The following KCNK12 variants were observed in gnomAD, a reference collection of about 807,000 sequenced individuals.
KCNK12 encodes potassium channel subfamily K member 12.
KCNK12 carries 6 observed loss-of-function variants against 25.3 expected under a neutral mutation model. The observed-to-expected ratio is 0.24, with a 90% CI of 0.13 to 0.47. The LOEUF is 0.47. Among genes scored for constraint, KCNK12 ranks in the 20% least tolerant of loss-of-function variants. The pLI, the probability that KCNK12 is intolerant of heterozygous loss-of-function variation, is 0.99. For missense variants in KCNK12, 444 were observed against 661.7 expected (o/e 0.67, Z 3.61); for synonymous variants, 331 against 311.1 (o/e 1.06, Z -0.67).
Position 47,542,292 on chromosome 2 carries a change from C to T in KCNK12, c.392-20484G>A, listed in dbSNP as rs140339105. On this transcript the variant is annotated intron_variant, in intron 1 of 1. Coordinates refer to ENST00000327876, the MANE Select transcript of KCNK12 (RefSeq NM_022055.2). ...CCTGAGGATGCTCAGACGCAGGGAC[C>T]GACTGCTCCTCACAAGCACCCTGGC... Among the ~76,000 whole-genome samples the T allele has an allele frequency of 2.0e-5, 3 of 152,274 alleles. No homozygotes were observed. In the East Asian group the frequency reaches 5.8e-4, roughly 30 times the overall value.
rs1187823809 is a variant in KCNK12 at position 47,520,220 on chromosome 2, G to A, written c.*687C>T. On this transcript the variant is annotated 3_prime_UTR_variant, in exon 2 of 2. Transcript: ENST00000327876. The surrounding 1 kb of genome is among the most constrained non-coding windows in gnomAD (Gnocchi z 5.0). ...CCTGGACCGCCCACCATTAGAAGTA[G>A]CTGCCCTGTGCTCTGTGCTAAATGG... The A allele has an allele frequency of 6.6e-6, 1 of 152,256 alleles. No individual in the cohort carries two copies. Among genetic ancestry groups the A allele is most frequent in the Non-Finnish European group, 1.5e-5 (1 of 68,102 alleles). The allele number at this position is 152,256 out of a possible 1,614,324, so 9.4% of individuals were successfully genotyped here. A position where few individuals can be genotyped will look rare whatever the true frequency, so the allele number is the denominator to read the frequency against.
In KCNK12 at chr2:47,512,696, C is replaced by T; in HGVS notation, c.*8211G>A. ...CTGAACTCTGCTCTGCATTGCTGAG[C>T]AAACTACATTTCCCAGAACTCCTTG... On this transcript the variant is annotated 3_prime_UTR_variant, in exon 2 of 2. Transcript: ENST00000327876. The T allele has an allele frequency of 2.7e-6, 1 of 373,264 alleles. No homozygotes were observed. Among genetic ancestry groups the T allele is most frequent in the South Asian group, 4.9e-5 (1 of 20,402 alleles). 23.1% of individuals were successfully genotyped at this position (373,264 alleles called of 1,614,324 possible).
rs1033834083 is a variant in KCNK12, at chr2:47,517,934, A to T, written c.*2973T>A. ...GGTAAGTCCAGGCCTAAGGTTAGGA[A>T]GCAAATCCTGGAGCATGAGGAAATT... On this transcript the variant is annotated 3_prime_UTR_variant, in exon 2 of 2. Transcript: ENST00000327876. The surrounding 1 kb of genome is among the most constrained non-coding windows in gnomAD (Gnocchi z 4.1). 2 of 152,218 alleles carry T rather than the reference A, an allele frequency of 1.3e-5. No individual in the cohort carries two copies. Among genetic ancestry groups the T allele is most frequent in the African/African-American group, 4.8e-5 (2 of 41,436 alleles). The allele number at this position is 152,218 out of a possible 1,614,324, so 9.4% of individuals were successfully genotyped here.
Position 47,520,858 on chromosome 2 carries a change from G to C in KCNK12, c.*49C>G. On this transcript the variant is annotated 3_prime_UTR_variant, in exon 2 of 2. Coordinates refer to ENST00000327876, the MANE Select transcript of KCNK12 (RefSeq NM_022055.2). The surrounding 1 kb of genome is among the most constrained non-coding windows in gnomAD (Gnocchi z 5.0). ...TGACTGAGAGAAGCAAACCACGCCC[G>C]GCGGCCCCGCGGCCTGGAGAGGGTC... The C allele has an allele frequency of 8.4e-7, 1 of 1,190,260 alleles. No individual in the cohort carries two copies. The highest frequency in any genetic ancestry group is 1.1e-6 in the Non-Finnish European group (1 of 948,222). 73.7% of individuals were successfully genotyped at this position (1,190,260 alleles called of 1,614,324 possible).
At chr2:47,532,678 G>A (rs1668960357) in intron 1 of KCNK12, among the ~76,000 whole-genome samples, 1 of 152,232 alleles carries the variant, frequency 6.6e-6, no homozygotes, top group Non-Finnish European at 1.5e-5. Context: ...TAGCCACCTG[G>A]GACTCAGGTT....
chr2:47,537,276 G>A (rs1452173465), intron 1 of KCNK12, among the ~76,000 whole-genome samples: 2 of 151,902 alleles, frequency 1.3e-5, no homozygotes, highest in African/African-American at 4.8e-5. Context: ...GTGCACACAC[G>A]CGTACTTAAT....
rs1669634508 is a variant in KCNK12, at chr2:47,560,186, T to A, written c.391+9755A>T. Among the ~76,000 whole-genome samples the A allele has an allele frequency of 6.6e-6, 1 of 152,220 alleles. No homozygotes were observed. Among genetic ancestry groups the A allele is most frequent in the South Asian group, 2.1e-4 (1 of 4,832 alleles). On this transcript the variant is annotated intron_variant, in intron 1 of 1. Coordinates refer to ENST00000327876, the MANE Select transcript of KCNK12 (RefSeq NM_022055.2). This position sits in a 1 kb window ranked among gnomAD's most constrained non-coding sequence, Gnocchi z 4.7. ...CCCGCCTGTCCATGCCCACTGCAGCTGTTTCCAGTGCAAGGCTGAGGGTTC... is the reference window on the plus strand; with the variant it reads ...CCCGCCTGTCCATGCCCACTGCAGCAGTTTCCAGTGCAAGGCTGAGGGTTC...
chr2:47,531,840 T>C (rs2104772779), intron 1 of KCNK12, among the ~76,000 whole-genome samples: 1 of 152,292 alleles, frequency 6.6e-6, no homozygotes, highest in Middle Eastern at 3.4e-3. Flanking sequence ...CTCTGATTGA[T>C]TGTGGGCCAA....
rs1882449 is a variant in KCNK12, at chr2:47,557,853, C to T, written c.391+12088G>A. 0.14 allele frequency among the ~76,000 whole-genome samples: 21,839 copies of T among 152,074 alleles called. 2,095 individuals are homozygous for T. The highest frequency in any genetic ancestry group is 0.27 in the African/African-American group (11,150 of 41,460). On this transcript the variant is annotated intron_variant, in intron 1 of 1. Transcript: ENST00000327876. The surrounding 1 kb of genome is among the most constrained non-coding windows in gnomAD (Gnocchi z 4.9). ...TAGGAACTGAGATGCCTTAGGGATT[C>T]GGGGACTGTGAAGGTAGAAACGGCA...
chr2:47,522,215 CTTTAT>C (rs1668674785), intron 1 of KCNK12, among the ~76,000 whole-genome samples: 1 of 152,164 alleles, frequency 6.6e-6, no homozygotes, highest in Non-Finnish European at 1.5e-5. Context: ...AAACTGTCAT[CTTTAT>C]TTTAGTTCAT....
chr2:47,545,572 G>A (rs1669295578), intron 1 of KCNK12, among the ~76,000 whole-genome samples: 1 of 152,320 alleles, frequency 6.6e-6, no homozygotes, highest in South Asian at 2.1e-4. Context: ...GGAGTAGGGG[G>A]ACTAGCTGTG....
In KCNK12 at chr2:47,521,278, A is replaced by G. The variant is rs766783161; in HGVS notation, c.922T>C (p.Trp308Arg). The change falls in exon 2 of 2, where the codon TGG becomes CGG. Residue 308 changes from tryptophan (W) to arginine (R), a missense_variant. By Grantham distance (101) the Trp-to-Arg change is moderately radical. Transcript: ENST00000327876. ...ISILIKQVLN[W>R]MLRKLSCRCC... ...CGGCAGCTCAGCTTGCGCAGCATCC[A>G]GTTGAGCACCTGCTTGATGAGGATG... 1 of 1,611,676 alleles carries G rather than the reference A, an allele frequency of 6.2e-7. No individual in the cohort carries two copies. The highest frequency in any genetic ancestry group is 1.1e-5 in the South Asian group (1 of 90,694).
chr2:47,568,990 G>C (rs900882189), intron 1 of KCNK12, among the ~76,000 whole-genome samples: 19 of 152,042 alleles, frequency 1.2e-4, no homozygotes, highest in African/African-American at 4.4e-4. Flanking sequence ...AAGTGAGTGA[G>C]AGGAGAGGAA....
Position 47,562,325 on chromosome 2 carries a change from T to C in KCNK12, c.391+7616A>G, listed in dbSNP as rs1669689538. On this transcript the variant is annotated intron_variant, in intron 1 of 1. Transcript: ENST00000327876. This position sits in a 1 kb window ranked among gnomAD's most constrained non-coding sequence, Gnocchi z 4.8. Reference sequence around the variant, plus strand: ...CATTGTAAAATCTGCAATTACAAGATTCTGGATGCTTCATCCTGAGGTCAC... The same window carrying C: ...CATTGTAAAATCTGCAATTACAAGACTCTGGATGCTTCATCCTGAGGTCAC... 1 of 385,180 alleles carries C rather than the reference T, an allele frequency of 2.6e-6. No individual in the cohort carries two copies. Among genetic ancestry groups the C allele is most frequent in the Non-Finnish European group, 4.6e-6 (1 of 218,072 alleles). The allele number at this position is 385,180 out of a possible 1,614,324, so 23.9% of individuals were successfully genotyped here.
Position 47,514,666 on chromosome 2 carries a change from A to T in KCNK12, c.*6241T>A, listed in dbSNP as rs1668481472. Among the ~76,000 whole-genome samples the T allele has an allele frequency of 6.7e-6, 1 of 148,566 alleles. No homozygotes were observed. Reference sequence around the variant, plus strand: ...TACTCTGTCACCAAGGCTGGAGTGCAGTGGCATGATCATGGCTCAATGAAA... The same window carrying T: ...TACTCTGTCACCAAGGCTGGAGTGCTGTGGCATGATCATGGCTCAATGAAA... On this transcript the variant is annotated 3_prime_UTR_variant, in exon 2 of 2. Coordinates refer to ENST00000327876, the MANE Select transcript of KCNK12 (RefSeq NM_022055.2). The surrounding 1 kb of genome is among the most constrained non-coding windows in gnomAD (Gnocchi z 5.0).
chr2:47,509,721 C>G lies in KCNK12; in HGVS notation c.*11186G>C, dbSNP rs533458491. Among the ~76,000 whole-genome samples, 3 of 152,314 alleles carry G rather than the reference C, an allele frequency of 2.0e-5. No individual in the cohort carries two copies. Among genetic ancestry groups the G allele is most frequent in the Admixed American group, 2.0e-4 (3 of 15,310 alleles). ...CTGCTTAAATCAGCTGGACTGGATT[C>G]TATTGCATTAACTTGACCCTGACTC... On this transcript the variant is annotated 3_prime_UTR_variant, in exon 2 of 2. Coordinates refer to ENST00000327876, the MANE Select transcript of KCNK12 (RefSeq NM_022055.2).
chr2:47,556,437 C>G lies in KCNK12; in HGVS notation c.391+13504G>C, dbSNP rs1669552295. On this transcript the variant is annotated intron_variant, in intron 1 of 1. Coordinates refer to ENST00000327876, the MANE Select transcript of KCNK12 (RefSeq NM_022055.2). This position sits in a 1 kb window ranked among gnomAD's most constrained non-coding sequence, Gnocchi z 4.8. ...AGCAGAGAGTGAGGGGAATGGGAGG[C>G]TAAAGATGGAAGAGGGAGGATAAGT... 1.3e-5 allele frequency among the ~76,000 whole-genome samples: 2 copies of G among 151,936 alleles called. No homozygotes were observed. Among genetic ancestry groups the G allele is most frequent in the African/African-American group, 4.8e-5 (2 of 41,338 alleles).
At position 47,540,772 on chromosome 2, in the gene KCNK12, AAAACAAAC is replaced by A. The variant is rs59132408; in HGVS notation, c.392-18972_392-18965del. ...GAGACTCCATCCCTAGAAACAATTA[AAAACAAAC>A]AAACAAACAAACAAACAAAAGCAAG... On this transcript the variant is annotated intron_variant, in intron 1 of 1. Transcript: ENST00000327876. This position sits in a 1 kb window ranked among gnomAD's most constrained non-coding sequence, Gnocchi z 5.4. Among the ~76,000 whole-genome samples the A allele has an allele frequency of 1.5e-4, 22 of 150,056 alleles. No homozygotes were observed. The highest frequency in any genetic ancestry group is 6.0e-4 in the East Asian group (3 of 5,012).
At chr2:47,564,320 C>G (rs991062569) in intron 1 of KCNK12, 1 of 229,478 alleles carries the variant, frequency 4.4e-6, no homozygotes, top group African/African-American at 2.2e-5. Flanking sequence ...GCAGTACCCA[C>G]TGACTCAGCA....
Sources: gnomAD v4.1 joint callset for allele counts (sites outside exome capture counted in the v4.1 genomes callset) on GRCh38, gnomAD v4.1.1 for gene constraint, Gnocchi (gnomAD v3.1) non-coding constraint, MANE v1.5 for transcripts, NCBI Gene and HGNC (gene_info 2026-07-23, HGNC 2026-07-21) for gene names.